Variants in IL20RA observed in about 807,000 individuals in gnomAD.
IL20RA encodes the protein interleukin 20 receptor subunit alpha, also known as interleukin-20 receptor subunit alpha.
IL20RA carries 29 observed loss-of-function variants against 36.5 expected under a neutral mutation model. The ratio of observed to expected loss-of-function variants is 0.79; its 90% confidence interval spans 0.59 to 1.08. IL20RA has a LOEUF of 1.08. Among genes scored for constraint, IL20RA ranks in the 50% least tolerant of loss-of-function variants. IL20RA has a pLI of 0.00. For synonymous variants in IL20RA, 279 were observed against 267.1 expected, an observed-to-expected ratio of 1.04 and a Z score of -0.43; for missense variants, 652 against 668.4, an observed-to-expected ratio of 0.98 and a Z score of 0.27.
At chr6:137,041,976 C>T (rs117958812) in intron 1 of IL20RA, among the ~76,000 whole-genome samples, 2,704 of 152,226 alleles carry the variant, frequency 0.018, 18 homozygotes, top group Middle Eastern at 0.041. Flanking sequence ...CCCCACCCCC[C>T]GACAGGCTCT....
intron 1 of IL20RA, among the ~76,000 whole-genome samples, chr6:137,018,513 C>CGTGCGTGT (rs1775783265): frequency 7.0e-6 from 1 of 142,816 alleles, no homozygotes; most frequent in South Asian, 2.2e-4. Context: ...CTGCCGTGTG[C>CGTGCGTGT]GTGTGTGTGT....
In IL20RA at chr6:137,000,453, C is replaced by T. The variant is rs1469725162; in HGVS notation, c.*1105G>A. 6.6e-6 allele frequency: 1 copy of T among 152,126 alleles called. No homozygotes were observed. Among genetic ancestry groups the T allele is most frequent in the Admixed American group, 6.5e-5 (1 of 15,274 alleles). 9.4% of individuals were successfully genotyped at this position (152,126 alleles called of 1,614,324 possible). A position where few individuals can be genotyped will look rare whatever the true frequency, so the allele number is the denominator to read the frequency against. ...CAGCGTGACTGAAGAATTTAATTTT[C>T]TTAACAAGTGGTAAAGGAGATGGGA... On this transcript the variant is annotated 3_prime_UTR_variant, in exon 7 of 7. Coordinates refer to ENST00000316649, the MANE Select transcript of IL20RA (RefSeq NM_014432.4).
chr6:137,007,227 G>A (rs901123515), intron 5 of IL20RA, among the ~76,000 whole-genome samples: 9 of 152,170 alleles, frequency 5.9e-5, no homozygotes, highest in Admixed American at 6.5e-5. Context: ...GCTTTGTTTT[G>A]CTTGGCATTT....
chr6:137,016,623 G>A (rs1039566373), intron 2 of IL20RA, among the ~76,000 whole-genome samples: 6 of 152,214 alleles, frequency 3.9e-5, no homozygotes, highest in African/African-American at 9.6e-5. Context: ...ATGTGCACGC[G>A]GTTTCAAGGA....
At chr6:137,020,678 AT>A (rs887865119) in intron 1 of IL20RA, among the ~76,000 whole-genome samples, 2 of 151,884 alleles carry the variant, frequency 1.3e-5, no homozygotes, top group South Asian at 2.1e-4. Context: ...AACTTTTTGA[AT>A]TTTTTTTTAA....
rs1002462247 is a variant in IL20RA, at chr6:137,044,783, C to T, written c.-55G>A. ...GGCAGCAGACTGCTCAGTCCCACGC[C>T]CGCTGGGGCCAAGCGCGGCCGCGCG... On this transcript the variant is annotated 5_prime_UTR_variant, in exon 1 of 7. Transcript: ENST00000316649. 1.2e-5 allele frequency: 15 copies of T among 1,205,100 alleles called. No homozygotes were observed. The African/African-American group carries it at 2.2e-4, about 18-fold the overall frequency. 74.7% of individuals were successfully genotyped at this position (1,205,100 alleles called of 1,614,324 possible). A position where few individuals can be genotyped will look rare whatever the true frequency, so the allele number is the denominator to read the frequency against.
chr6:137,022,558 T>C (rs1582830340), intron 1 of IL20RA, among the ~76,000 whole-genome samples: 1 of 152,352 alleles, frequency 6.6e-6, no homozygotes, highest in East Asian at 1.9e-4. Context: ...TCTGATTCAG[T>C]CATTCAACTC....
intron 1 of IL20RA, among the ~76,000 whole-genome samples, chr6:137,028,203 A>G (rs1776158978): frequency 6.6e-6 from 1 of 152,176 alleles, no homozygotes; most frequent in South Asian, 2.1e-4. Flanking sequence ...GGATCACCTG[A>G]GGTCAGGAGT....
Position 137,012,705 on chromosome 6 carries a change from A to G in IL20RA, c.225-1253T>C, listed in dbSNP as rs1324919009. Among the ~76,000 whole-genome samples the G allele has an allele frequency of 2.0e-5, 3 of 152,356 alleles. No homozygotes were observed. The East Asian group carries it at 5.8e-4, about 29-fold the overall frequency. On this transcript the variant is annotated intron_variant, in intron 2 of 6. Coordinates refer to ENST00000316649, the MANE Select transcript of IL20RA (RefSeq NM_014432.4). ...GTCAAGATTTAAAGGTTGGATAGAA[A>G]GAAGACCTGGAAATAGCAACTAAAG... is the stretch of plus-strand genomic sequence containing the variant.
At position 137,002,121 on chromosome 6, in the gene IL20RA, T is replaced by C; in HGVS notation, c.1099A>G (p.Met367Val). 1 of 1,614,146 alleles carries C rather than the reference T, an allele frequency of 6.2e-7. No homozygotes were observed. Among genetic ancestry groups the C allele is most frequent in the East Asian group, 2.2e-5 (1 of 44,878 alleles). Residue 367 changes from methionine (M) to valine (V), a missense_variant, in exon 7 of 7, where the codon ATG (methionine) becomes GTG (valine). Transcript: ENST00000316649. ...VKHLGYASHL[M>V]EIFCDSEENT... ...TCTTCAGAGTCACAAAAAATTTCCATCAAATGCGAAGCATACCCTAAATGT... is the reference window on the plus strand; with the variant it reads ...TCTTCAGAGTCACAAAAAATTTCCACCAAATGCGAAGCATACCCTAAATGT...
rs997749505 is a variant in IL20RA, at chr6:137,001,846, G to A, written c.1374C>T (p.Asp458=). 1 of 1,613,506 alleles carries A rather than the reference G, an allele frequency of 6.2e-7. No individual in the cohort carries two copies. Among genetic ancestry groups the A allele is most frequent in the East Asian group, 2.2e-5 (1 of 44,866 alleles). Residue 458 remains aspartate, a synonymous_variant, in exon 7 of 7, where the codon GAC becomes GAT. Coordinates refer to ENST00000316649, the MANE Select transcript of IL20RA (RefSeq NM_014432.4). ...AGTCTGTGTGCTCCTGCGCCAGGGG[G>A]TCTAAGTCTTGGAGCTGAGGGGTGT... ...YSYTPQLQDL[D]PLAQEHTDSE... is the part of the protein sequence containing the mutation.
At chr6:137,004,529 T>G in intron 6 of IL20RA, 92 bp downstream of exon 6, 2 of 1,229,290 alleles carry the variant, frequency 1.6e-6, no homozygotes, top group Non-Finnish European at 2.3e-6. Context: ...ACTCTGCCCT[T>G]AAAGGGAACT....
intron 6 of IL20RA, 152 bp downstream of exon 6, chr6:137,004,469 C>A (rs1582816168): frequency 1.2e-6 from 1 of 803,128 alleles, no homozygotes; most frequent in Non-Finnish European, 2.0e-6. Flanking sequence ...AGCCACCATG[C>A]CCAGCCCAGA....
rs571175711 is a variant in IL20RA at position 137,010,427 on chromosome 6, A to G, written c.403+847T>C. Reference sequence around the variant, plus strand: ...TCCAATGTCACAAAATATTCCTTGGATTTTTAGAAACTATTTAAAAATATA... The same window carrying G: ...TCCAATGTCACAAAATATTCCTTGGGTTTTTAGAAACTATTTAAAAATATA... On this transcript the variant is annotated intron_variant, in intron 3 of 6. Transcript: ENST00000316649. Among the ~76,000 whole-genome samples, 14 of 152,302 alleles carry G rather than the reference A, an allele frequency of 9.2e-5. No individual in the cohort carries two copies. In the South Asian group the frequency reaches 2.9e-3, roughly 32 times the overall value.
chr6:137,008,582 G>T lies in IL20RA; in HGVS notation c.724+17C>A, dbSNP rs750568467. 5.1e-6 allele frequency: 8 copies of T among 1,577,034 alleles called. No individual in the cohort carries two copies. In the Admixed American group the frequency reaches 7.3e-5, roughly 14 times the overall value. The stretch of plus-strand genomic sequence containing the variant: ...CAGATCTCCTTCCTAGACCAGCAAA[G>T]ATTTTTTAAAGCTTACCTTTCAAAG... On this transcript the variant is annotated intron_variant, in intron 5 of 6. Transcript: ENST00000316649.
intron 1 of IL20RA, among the ~76,000 whole-genome samples, chr6:137,017,474 G>A (rs1359829467): frequency 6.6e-6 from 1 of 152,164 alleles, no homozygotes; most frequent in East Asian, 1.9e-4. Context: ...GGCTGAAGCT[G>A]CATGAGAGAC....
chr6:137,033,238 C>G (rs1245794220), intron 1 of IL20RA, among the ~76,000 whole-genome samples: 1 of 152,212 alleles, frequency 6.6e-6, no homozygotes, highest in Non-Finnish European at 1.5e-5. Context: ...TCACTCCAGT[C>G]TCTGCTCACC....
chr6:137,007,733 TAGAG>T (rs756815924), intron 5 of IL20RA, among the ~76,000 whole-genome samples: 8 of 152,040 alleles, frequency 5.3e-5, no homozygotes, highest in Non-Finnish European at 1.2e-4. Flanking sequence ...TAAAAGGAAA[TAGAG>T]AGAAGCAACT....
chr6:137,020,191 A>T (rs944823247), intron 1 of IL20RA, among the ~76,000 whole-genome samples: 1 of 152,214 alleles, frequency 6.6e-6, no homozygotes, highest in African/African-American at 2.4e-5. Context: ...CTGCTGAAGA[A>T]CTGAGTGAAG....
Sources: gnomAD v4.1 joint callset for allele counts (sites outside exome capture counted in the v4.1 genomes callset) on GRCh38, gnomAD v4.1.1 for gene constraint, MANE v1.5 for transcripts, NCBI Gene and HGNC (gene_info 2026-07-23, HGNC 2026-07-21) for gene names.